The following RARB variants were observed in gnomAD, a reference collection of about 807,000 sequenced individuals.
The protein encoded by RARB is retinoic acid receptor beta, also known as HBV-activated protein.
RARB carries 17 observed loss-of-function variants against 51.9 expected under a neutral mutation model. That is an observed-to-expected ratio of 0.33 (90% CI 0.22 to 0.49). The LOEUF (loss-of-function observed/expected upper bound fraction) is 0.49. Ranked by LOEUF, RARB falls within the 20% of genes least tolerant of loss-of-function variation. The pLI is 0.99. For synonymous variants in RARB, 215 were observed against 195.4 expected, an observed-to-expected ratio of 1.10 and a Z score of -0.84; for missense variants, 369 against 550.8, an observed-to-expected ratio of 0.67 and a Z score of 3.30.
chr3:25,029,395 G>T (rs1045218726), intron 2 of RARB, among the ~76,000 whole-genome samples: 73 of 152,290 alleles, frequency 4.8e-4, no homozygotes, highest in African/African-American at 1.6e-3. Flanking sequence ...AAACTCCAAG[G>T]ATAAATAAAT....
intron 1 of RARB, among the ~76,000 whole-genome samples, chr3:25,438,329 C>T (rs937951338): frequency 3.0e-5 from 4 of 132,382 alleles, no homozygotes; most frequent in African/African-American, 1.0e-4. Flanking sequence ...CAGGGCCAGC[C>T]CAGATTCAAT....
At chr3:25,035,809 A>G (rs1207305862) in intron 2 of RARB, among the ~76,000 whole-genome samples, 1 of 152,304 alleles carries the variant, frequency 6.6e-6, no homozygotes, top group South Asian at 2.1e-4. Context: ...TTGTAAAAAC[A>G]GGCAATGGCT....
In RARB at chr3:25,184,926, G is replaced by C. The variant is rs180834685; in HGVS notation, c.178+10351G>C. 5.3e-5 allele frequency among the ~76,000 whole-genome samples: 8 copies of C among 152,166 alleles called. No homozygotes were observed. The East Asian group carries it at 1.6e-3, about 30-fold the overall frequency. On this transcript the variant is annotated intron_variant, in intron 5 of 11. Coordinates refer to the RARB transcript ENST00000383772. The stretch of plus-strand genomic sequence containing the variant: ...AAAGAAAAAAAAAAGTAAAAACTTA[G>C]TAAATAATAGCATTCATTATTATTA...
At chr3:25,540,959 GAA>G (rs61185841) in intron 3 of RARB, among the ~76,000 whole-genome samples, 3 of 150,302 alleles carry the variant, frequency 2.0e-5, no homozygotes, top group Non-Finnish European at 3.0e-5. Flanking sequence ...CTCTGCAGAG[GAA>G]AAAAAAAATG....
At chr3:24,866,164 T>C (rs1481259600) in intron 2 of RARB, among the ~76,000 whole-genome samples, 1 of 152,124 alleles carries the variant, frequency 6.6e-6, no homozygotes, top group African/African-American at 2.4e-5. Context: ...CACCTGATCC[T>C]GCCAACCTCT....
chr3:25,523,671 T>G (rs952490944), intron 3 of RARB, among the ~76,000 whole-genome samples: 1 of 152,198 alleles, frequency 6.6e-6, no homozygotes, highest in African/African-American at 2.4e-5. Flanking sequence ...ATACTTTATG[T>G]GGTTCCCTCA....
At chr3:25,196,202 T>C (rs1701230870) in intron 5 of RARB, among the ~76,000 whole-genome samples, 1 of 152,034 alleles carries the variant, frequency 6.6e-6, no homozygotes, top group South Asian at 2.1e-4. Flanking sequence ...GTATTACTCC[T>C]AATACTACCC....
intron 4 of RARB, among the ~76,000 whole-genome samples, chr3:25,167,319 T>C (rs1037520628): frequency 6.6e-6 from 1 of 152,208 alleles, no homozygotes; most frequent in African/African-American, 2.4e-5. Flanking sequence ...TGACAGGAGA[T>C]GTAAAAAGTA....
At chr3:24,971,145 T>C (rs1435298649) in intron 2 of RARB, among the ~76,000 whole-genome samples, 4 of 152,008 alleles carry the variant, frequency 2.6e-5, no homozygotes, top group Admixed American at 1.3e-4. Context: ...TCTAATGACA[T>C]CTATTGAAGG....
At chr3:24,923,539 G>A (rs1397310401) in intron 2 of RARB, among the ~76,000 whole-genome samples, 1 of 151,320 alleles carries the variant, frequency 6.6e-6, no homozygotes, top group Non-Finnish European at 1.5e-5. Context: ...TCAGCATGTA[G>A]AGACAAAGCT....
intron 3 of RARB, among the ~76,000 whole-genome samples, chr3:25,528,109 C>T (rs931587360): frequency 6.6e-6 from 1 of 152,152 alleles, no homozygotes; most frequent in African/African-American, 2.4e-5. Flanking sequence ...AGTAAAGAGG[C>T]TGGTGGATGT....
At chr3:25,459,646 G>C (rs916044045) in intron 1 of RARB, among the ~76,000 whole-genome samples, 1 of 152,190 alleles carries the variant, frequency 6.6e-6, no homozygotes, top group South Asian at 2.1e-4. Context: ...GCATGGTGTG[G>C]TAGCAGGATA....
chr3:25,095,354 C>T (rs960593975), intron 3 of RARB, among the ~76,000 whole-genome samples: 2 of 152,184 alleles, frequency 1.3e-5, no homozygotes, highest in African/African-American at 4.8e-5. Context: ...GGACCAGCAA[C>T]ATCAGCACCA....
chr3:25,420,099 T>C (rs997209658), intron 5 of RARB, among the ~76,000 whole-genome samples: 6 of 152,280 alleles, frequency 3.9e-5, no homozygotes, highest in East Asian at 1.9e-4. Context: ...TGTGTGTGTG[T>C]GCGCGCGTGT....
intron 3 of RARB, among the ~76,000 whole-genome samples, chr3:25,557,137 TCA>T (rs55731301): frequency 0.014 from 1,993 of 145,200 alleles, 25 homozygotes; most frequent in African/African-American, 0.032. Flanking sequence ...GGCATTGCAT[TCA>T]CACACACACA....
Position 25,107,739 on chromosome 3 carries a change from TAATAA to T in RARB, c.-327-24418_-327-24414del, listed in dbSNP as rs1575163797. Among the ~76,000 whole-genome samples the T allele has an allele frequency of 3.3e-5, 5 of 152,328 alleles. No individual in the cohort carries two copies. The East Asian group carries it at 7.7e-4, about 24-fold the overall frequency. On this transcript the variant is annotated intron_variant, in intron 3 of 11. Coordinates refer to the RARB transcript ENST00000383772. ...ATAGGAAAATGGTAATAATATGCTG[TAATAA>T]AATGTATCACAAATTGTGACTAACT...
At chr3:25,453,973 T>G (rs1002974659) in intron 1 of RARB, among the ~76,000 whole-genome samples, 1 of 152,188 alleles carries the variant, frequency 6.6e-6, no homozygotes, top group African/African-American at 2.4e-5. Context: ...GGCAATTACC[T>G]AATTCAGGAT....
At chr3:25,339,998 A>G (rs1705182470) in intron 5 of RARB, among the ~76,000 whole-genome samples, 1 of 152,182 alleles carries the variant, frequency 6.6e-6, no homozygotes, top group African/African-American at 2.4e-5. Flanking sequence ...AAGGTCCTGA[A>G]TTGGTTTAAA....
chr3:25,189,486 G>T (rs1287766165), intron 5 of RARB, among the ~76,000 whole-genome samples: 1 of 152,100 alleles, frequency 6.6e-6, no homozygotes, highest in Admixed American at 6.6e-5. Context: ...CCAGGAAAAG[G>T]CCAAAATGTT....
Sources: gnomAD v4.1 joint callset for allele counts (sites outside exome capture counted in the v4.1 genomes callset) on GRCh38, gnomAD v4.1.1 for gene constraint, MANE v1.5 for transcripts, NCBI Gene and HGNC (gene_info 2026-07-23, HGNC 2026-07-21) for gene names.